The following STARD13 variants were observed in gnomAD, a reference collection of about 807,000 sequenced individuals.
STARD13 encodes the protein stAR-related lipid transfer protein 13.
A neutral mutation model predicts 106.4 loss-of-function variants in STARD13; 62 were observed. The observed-to-expected ratio is 0.58, with a 90% CI of 0.48 to 0.72. The LOEUF (loss-of-function observed/expected upper bound fraction) is 0.72. Ranked by LOEUF, STARD13 falls within the 30% of genes least tolerant of loss-of-function variation. STARD13 has a pLI of 0.00. For synonymous variants in STARD13, 565 were observed against 553.0 expected (o/e 1.02, Z -0.31); for missense variants, 1,387 against 1,424.0 (o/e 0.97, Z 0.42).
chr13:33,380,992 G>A, the STARD13 span, among the ~76,000 whole-genome samples: 1 of 152,156 alleles, frequency 6.6e-6, no homozygotes. Flanking sequence ...TAATCACAAA[G>A]GCAATGAGGT....
the STARD13 span, among the ~76,000 whole-genome samples, chr13:33,553,421 G>T: frequency 3.3e-5 from 5 of 151,652 alleles, no homozygotes; most frequent in African/African-American, 9.7e-5. Flanking sequence ...GGACGTAAAG[G>T]TATATAAATA....
At position 33,242,193 on chromosome 13, in the gene STARD13, G is replaced by A. The variant is rs567419782; in HGVS notation, c.169+43277C>T. Among the ~76,000 whole-genome samples the A allele has an allele frequency of 7.9e-5, 12 of 152,248 alleles. No homozygotes were observed. In the South Asian group the frequency reaches 2.1e-3, roughly 26 times the overall value. On this transcript the variant is annotated intron_variant, in intron 1 of 13. Transcript: ENST00000336934. ...TGAGGAGCCCCTCCGCCCAGCAGCC[G>A]CCCCATCCGGGAGGTGGGGGGCAGC...
At chr13:33,152,707 T>TA (rs1011031245) in intron 3 of STARD13, among the ~76,000 whole-genome samples, 14 of 152,036 alleles carry the variant, frequency 9.2e-5, no homozygotes, top group Non-Finnish European at 1.3e-4. Flanking sequence ...CTCTGCCTAA[T>TA]AAAAAAAATC....
chr13:33,622,747 C>G, the STARD13 span, among the ~76,000 whole-genome samples: 5 of 150,562 alleles, frequency 3.3e-5, no homozygotes, highest in African/African-American at 1.2e-4. Flanking sequence ...TGGTAAAACC[C>G]CATCTCTACT....
chr13:33,580,013 AT>A, the STARD13 span, among the ~76,000 whole-genome samples: 4 of 152,124 alleles, frequency 2.6e-5, no homozygotes, highest in African/African-American at 9.6e-5. Context: ...AATTTCTCAC[AT>A]AACTAAACAT....
chr13:33,277,690 C>T (rs186942957), intron 1 of STARD13: 2 of 152,324 alleles, frequency 1.3e-5, no homozygotes, highest in East Asian at 1.9e-4. Context: ...ACTTCAACTA[C>T]ATTATGGTAA....
the STARD13 span, among the ~76,000 whole-genome samples, chr13:33,525,501 A>G: frequency 2.0e-5 from 3 of 152,064 alleles, no homozygotes; most frequent in African/African-American, 7.2e-5. Context: ...TTATTTAAAA[A>G]TATTAATATA....
the STARD13 span, among the ~76,000 whole-genome samples, chr13:33,620,061 G>C: frequency 6.7e-6 from 1 of 149,066 alleles, no homozygotes. Flanking sequence ...CTGTCTCAAA[G>C]AAAAAAAAAG....
chr13:33,638,044 A>G, the STARD13 span, among the ~76,000 whole-genome samples: 93 of 152,322 alleles, frequency 6.1e-4, 1 homozygote, highest in African/African-American at 2.2e-3. Flanking sequence ...ACTGTCTTTT[A>G]TTCTGTTGAT....
chr13:33,163,589 CAAAAA>C (rs577772737), intron 3 of STARD13, among the ~76,000 whole-genome samples: 19 of 53,712 alleles, frequency 3.5e-4, no homozygotes, highest in African/African-American at 1.1e-3. Context: ...GACTCTGTCT[CAAAAA>C]AAAAAAAAAA....
chr13:33,338,421 T>C (rs1211467434), intron 1 of STARD13, among the ~76,000 whole-genome samples: 1 of 152,208 alleles, frequency 6.6e-6, no homozygotes, highest in African/African-American at 2.4e-5. Context: ...CTCATTTGCA[T>C]AGCTCTACAG....
chr13:33,478,045 C>A, the STARD13 span, among the ~76,000 whole-genome samples: 1 of 152,186 alleles, frequency 6.6e-6, no homozygotes, highest in Non-Finnish European at 1.5e-5. Flanking sequence ...AACTGACCAC[C>A]TGCTTCCTGT....
intron 1 of STARD13, among the ~76,000 whole-genome samples, chr13:33,262,868 A>G (rs1890720958): frequency 6.6e-6 from 1 of 152,158 alleles, no homozygotes. Context: ...TCTGCTTATT[A>G]GATGGGTGTG....
chr13:33,631,699 G>T, the STARD13 span, among the ~76,000 whole-genome samples: 1 of 152,236 alleles, frequency 6.6e-6, no homozygotes, highest in East Asian at 1.9e-4. Flanking sequence ...TAGATTTCTG[G>T]AGTACAACAA....
chr13:33,619,573 C>A, the STARD13 span, among the ~76,000 whole-genome samples: 652 of 152,010 alleles, frequency 4.3e-3, 6 homozygotes, highest in African/African-American at 0.015. Flanking sequence ...AAAAAGATAG[C>A]TAGCTGAAAG....
At chr13:33,168,999 C>T (rs1400195712) in intron 1 of STARD13, among the ~76,000 whole-genome samples, 1 of 152,168 alleles carries the variant, frequency 6.6e-6, no homozygotes, top group African/African-American at 2.4e-5. Flanking sequence ...TCTGTCATCC[C>T]CTAATCTACT....
At chr13:33,219,594 T>C (rs1888235282) in intron 1 of STARD13, among the ~76,000 whole-genome samples, 2 of 146,606 alleles carry the variant, frequency 1.4e-5, no homozygotes, top group South Asian at 4.3e-4. Flanking sequence ...CACTTTGGGA[T>C]GCAGAGGCGG....
At chr13:33,184,489 G>T (rs1160724304) in intron 1 of STARD13, among the ~76,000 whole-genome samples, 1 of 152,210 alleles carries the variant, frequency 6.6e-6, no homozygotes, top group East Asian at 1.9e-4. Flanking sequence ...GAGACAGTAA[G>T]TTGGAATTTT....
intron 1 of STARD13, among the ~76,000 whole-genome samples, chr13:33,343,094 G>T (rs1215396198): frequency 6.6e-6 from 1 of 152,008 alleles, no homozygotes; most frequent in Non-Finnish European, 1.5e-5. Flanking sequence ...TTTACTTTTG[G>T]ATGTCTAGTA....
Sources: allele counts gnomAD v4.1 joint callset (sites outside exome capture counted in the v4.1 genomes callset), GRCh38; gene constraint gnomAD v4.1.1; transcripts MANE v1.5; gene names NCBI Gene and HGNC (gene_info 2026-07-23, HGNC 2026-07-21).